The following THADA variants were observed in gnomAD, a reference collection of about 807,000 sequenced individuals.
THADA encodes the protein tRNA (32-2'-O)-methyltransferase regulator THADA.
THADA carries 213 observed loss-of-function variants against 219.8 expected under a neutral mutation model. The ratio of observed to expected loss-of-function variants is 0.97; its 90% CI spans 0.87 to 1.09. The LOEUF (loss-of-function observed/expected upper bound fraction) is 1.09. THADA is among the 50% of genes least tolerant of loss of function. THADA has a pLI of 0.00. For missense variants in THADA, 2,956 were observed against 2,311.3 expected, an observed-to-expected ratio of 1.28 and a Z score of -5.72; for synonymous variants, 1,018 against 828.9, an observed-to-expected ratio of 1.23 and a Z score of -3.92.
intron 28 of THADA, among the ~76,000 whole-genome samples, chr2:43,418,641 G>A (rs938885428): frequency 3.3e-5 from 5 of 152,114 alleles, no homozygotes; most frequent in African/African-American, 1.2e-4. Flanking sequence ...GATTCTATAT[G>A]AGTTCTAGAT....
chr2:43,549,975 T>C (rs2103871774), intron 19 of THADA, among the ~76,000 whole-genome samples: 1 of 128,254 alleles, frequency 7.8e-6, no homozygotes, highest in East Asian at 1.9e-4. Flanking sequence ...ACACATTATG[T>C]AATATACTGC....
At chr2:43,379,529 C>T (rs1317694220) in intron 29 of THADA, among the ~76,000 whole-genome samples, 1 of 152,154 alleles carries the variant, frequency 6.6e-6, no homozygotes, top group Non-Finnish European at 1.5e-5. Context: ...ACAGCTAAAA[C>T]CCAACAAGCT....
intron 36 of THADA, among the ~76,000 whole-genome samples, chr2:43,249,261 A>AT (rs901662243): frequency 7.7e-4 from 117 of 152,000 alleles, no homozygotes; most frequent in African/African-American, 2.7e-3. Context: ...CTAATTTTGC[A>AT]TTTTTTGTAG....
chr2:43,324,654 A>C (rs909321334), intron 30 of THADA, among the ~76,000 whole-genome samples: 1 of 152,124 alleles, frequency 6.6e-6, no homozygotes, highest in African/African-American at 2.4e-5. Flanking sequence ...TCTTGCTATT[A>C]CTTGGTGTTT....
At chr2:43,527,809 A>G (rs1693350307) in intron 22 of THADA, 70 bp downstream of exon 22, 2 of 1,091,262 alleles carry the variant, frequency 1.8e-6, no homozygotes, top group Admixed American at 2.1e-5. Context: ...ACACAACTAA[A>G]TTCTACTCCA....
At chr2:43,313,045 G>C (rs1380361390) in intron 31 of THADA, among the ~76,000 whole-genome samples, 1 of 152,082 alleles carries the variant, frequency 6.6e-6, no homozygotes, top group Non-Finnish European at 1.5e-5. Context: ...ATATTTCCCA[G>C]GAACTTAGGT....
chr2:43,404,375 C>CTTT (rs905817751), intron 28 of THADA, among the ~76,000 whole-genome samples: 45 of 130,892 alleles, frequency 3.4e-4, no homozygotes, highest in African/African-American at 1.3e-3. Flanking sequence ...TTTTTCTTTT[C>CTTT]TTTTTTTTTT....
chr2:43,513,109 T>C (rs1690704440), intron 22 of THADA, among the ~76,000 whole-genome samples: 1 of 152,230 alleles, frequency 6.6e-6, no homozygotes, highest in African/African-American at 2.4e-5. Flanking sequence ...TTTCTCACTT[T>C]GCTCTTCTAT....
At chr2:43,433,879 AG>A (rs763149632) in intron 26 of THADA, among the ~76,000 whole-genome samples, 6 of 152,050 alleles carry the variant, frequency 3.9e-5, no homozygotes, top group African/African-American at 7.2e-5. Context: ...AGTAGAGATG[AG>A]GTTTCACTAT....
At chr2:43,593,559 A>C (rs547570583) in intron 1 of THADA, among the ~76,000 whole-genome samples, 83 of 152,318 alleles carry the variant, frequency 5.4e-4, no homozygotes, top group South Asian at 4.3e-3. Context: ...AAGTCAACAG[A>C]ACAAGAGCCT....
chr2:43,527,648 T>G (rs1312504508), intron 22 of THADA, among the ~76,000 whole-genome samples: 2 of 152,170 alleles, frequency 1.3e-5, no homozygotes, highest in Non-Finnish European at 2.9e-5. Flanking sequence ...TCTTTGAGTT[T>G]GCTTCAAATC....
intron 26 of THADA, among the ~76,000 whole-genome samples, chr2:43,446,012 C>A (rs771357799): frequency 2.0e-5 from 3 of 152,180 alleles, no homozygotes; most frequent in Non-Finnish European, 4.4e-5. Context: ...AAAGGTGGGC[C>A]AGGAAACACA....
chr2:43,529,172 G>C (rs1052940004), intron 21 of THADA, among the ~76,000 whole-genome samples: 4 of 151,636 alleles, frequency 2.6e-5, no homozygotes, highest in African/African-American at 9.7e-5. Flanking sequence ...AAAAAAAACA[G>C]GGTCTGGTCT....
In THADA at chr2:43,364,090, G is replaced by A. The variant is rs146684457; in HGVS notation, c.4228-19853C>T. Among the ~76,000 whole-genome samples the A allele has an allele frequency of 2.0e-4, 29 of 146,472 alleles. No homozygotes were observed. The East Asian group carries it at 4.3e-3, about 22-fold the overall frequency. On this transcript the variant is annotated intron_variant, in intron 29 of 37. Coordinates refer to ENST00000405975, the MANE Select transcript of THADA (RefSeq NM_022065.5). ...TTACAAAAAATTATATGGGTGTGACGGTGTGCACCTTTAGTTCCAGCTACC... is the reference window on the plus strand; with the variant it reads ...TTACAAAAAATTATATGGGTGTGACAGTGTGCACCTTTAGTTCCAGCTACC...
chr2:43,455,047 A>G (rs141851627), intron 26 of THADA, among the ~76,000 whole-genome samples: 2 of 152,126 alleles, frequency 1.3e-5, no homozygotes, highest in African/African-American at 2.4e-5. Context: ...AAGCTACTTG[A>G]TAATTTTCTG....
intron 26 of THADA, among the ~76,000 whole-genome samples, chr2:43,475,375 TGCCA>T (rs111781777): frequency 0.028 from 4,041 of 143,188 alleles, 107 homozygotes; most frequent in African/African-American, 0.08. Context: ...GCCAAGGTTG[TGCCA>T]GCCACTGCAC....
At chr2:43,284,663 G>A (rs927572043) in intron 35 of THADA, among the ~76,000 whole-genome samples, 1 of 152,208 alleles carries the variant, frequency 6.6e-6, no homozygotes, top group Non-Finnish European at 1.5e-5. Context: ...TTCCCACTGG[G>A]GCACTACCTA....
Position 43,582,394 on chromosome 2 carries a change from G to A in THADA, c.534-466C>T, listed in dbSNP as rs533819813. Among the ~76,000 whole-genome samples the A allele has an allele frequency of 2.9e-3, 439 of 151,608 alleles. 7 individuals are homozygous for A. The highest frequency in any genetic ancestry group is 0.017 in the Middle Eastern group (5 of 292). ...TGCCCGTAATCCCAGCTACTCAGGGGGCTGAGGCAGGAGAATCGCTTGAAC... is the reference window on the plus strand; with the variant it reads ...TGCCCGTAATCCCAGCTACTCAGGGAGCTGAGGCAGGAGAATCGCTTGAAC... On this transcript the variant is annotated intron_variant, in intron 7 of 37. Coordinates refer to ENST00000405975, the MANE Select transcript of THADA (RefSeq NM_022065.5).
intron 28 of THADA, among the ~76,000 whole-genome samples, chr2:43,413,932 T>C (rs763537916): frequency 1.3e-5 from 2 of 152,162 alleles, no homozygotes; most frequent in Non-Finnish European, 2.9e-5. Context: ...CGTGAGATGC[T>C]CACGTCCCTT....
Sources: gnomAD v4.1 joint callset for allele counts (sites outside exome capture counted in the v4.1 genomes callset) on GRCh38, gnomAD v4.1.1 for gene constraint, MANE v1.5 for transcripts, NCBI Gene and HGNC (gene_info 2026-07-23, HGNC 2026-07-21) for gene names.